PDE4D: variants seen among roughly 807,000 people sequenced by gnomAD.
PDE4D encodes the protein phosphodiesterase 4D, also known as 3',5'-cyclic-AMP phosphodiesterase 4D.
PDE4D carries 24 observed loss-of-function variants against 87.4 expected under a neutral mutation model. The observed-to-expected ratio is 0.27, with a 90% CI of 0.20 to 0.39. The LOEUF (loss-of-function observed/expected upper bound fraction) is 0.39, where lower values mean the gene tolerates loss of function less well. Ranked by LOEUF, PDE4D falls within the 10% of genes least tolerant of loss-of-function variation. The pLI is 1.00. For missense variants in PDE4D, 714 were observed against 1,041.0 expected (o/e 0.69, Z 4.32); for synonymous variants, 384 against 383.2 (o/e 1.00, Z -0.02).
intron 1 of PDE4D, among the ~76,000 whole-genome samples, chr5:60,464,618 C>T (rs1747203980): frequency 6.6e-6 from 1 of 152,126 alleles, no homozygotes; most frequent in Admixed American, 6.5e-5. Context: ...TGTGTTATTC[C>T]CACAGATCTC....
Position 60,416,760 on chromosome 5 carries a change from A to G in PDE4D, c.-90+71182T>C, listed in dbSNP as rs1221725660. ...CATACACTCTTCCTTCAGAGAAATT[A>G]ATATCCAAGACTCTGGGGCTTTAGA... is the stretch of plus-strand genomic sequence containing the variant. On this transcript the variant is annotated intron_variant, in intron 1 of 16. Transcript: ENST00000502484. Among the ~76,000 whole-genome samples, 3 of 152,374 alleles carry G rather than the reference A, an allele frequency of 2.0e-5. No individual in the cohort carries two copies. In the East Asian group the frequency reaches 5.8e-4, roughly 29 times the overall value.
intron 1 of PDE4D, chr5:59,768,188 G>C (rs773923291): frequency 2.0e-5 from 32 of 1,577,772 alleles, no homozygotes; most frequent in Non-Finnish European, 2.7e-5. Flanking sequence ...AAAGGCGCGA[G>C]AGCAGGACTC....
At chr5:60,236,265 T>G (rs1746419870) in intron 1 of PDE4D, among the ~76,000 whole-genome samples, 1 of 151,890 alleles carries the variant, frequency 6.6e-6, no homozygotes, top group African/African-American at 2.4e-5. Flanking sequence ...AATTAAAAAC[T>G]TTTGTTTTGT....
intron 5 of PDE4D, among the ~76,000 whole-genome samples, chr5:59,107,177 T>C (rs1385471581): frequency 6.6e-6 from 1 of 152,134 alleles, no homozygotes; most frequent in African/African-American, 2.4e-5. Flanking sequence ...ATAGACATAA[T>C]GCTATGAGAG....
intron 1 of PDE4D, among the ~76,000 whole-genome samples, chr5:59,767,383 AT>A (rs1762934658): frequency 6.6e-6 from 1 of 151,896 alleles, no homozygotes; most frequent in Non-Finnish European, 1.5e-5. Context: ...GGACTCACTG[AT>A]CAGAGTTTGG....
At chr5:59,275,704 C>T (rs1291211798) in intron 1 of PDE4D, 9 of 1,085,744 alleles carry the variant, frequency 8.3e-6, no homozygotes, top group African/African-American at 1.6e-5. Flanking sequence ...GATTCTTCAT[C>T]TGGGTCACAA....
chr5:59,679,348 T>G (rs1430201786), intron 1 of PDE4D, among the ~76,000 whole-genome samples: 2 of 152,194 alleles, frequency 1.3e-5, no homozygotes, highest in Non-Finnish European at 2.9e-5. Context: ...AAAACTCTTC[T>G]AAATTTATTT....
At chr5:60,190,595 T>C (rs1326020568) in intron 1 of PDE4D, among the ~76,000 whole-genome samples, 1 of 152,202 alleles carries the variant, frequency 6.6e-6, no homozygotes, top group Admixed American at 6.5e-5. Flanking sequence ...AATTGAAGTA[T>C]AGGGAACATA....
chr5:59,419,883 A>G (rs1365449108), intron 1 of PDE4D, among the ~76,000 whole-genome samples: 1 of 152,178 alleles, frequency 6.6e-6, no homozygotes, highest in Non-Finnish European at 1.5e-5. Context: ...AACCCCTTGA[A>G]TCACCCAATG....
chr5:59,958,876 C>A (rs1759153474), intron 3 of PDE4D, among the ~76,000 whole-genome samples: 1 of 152,014 alleles, frequency 6.6e-6, no homozygotes, highest in Non-Finnish European at 1.5e-5. Context: ...TGAAGGCACC[C>A]AAATAGGAAA....
chr5:59,947,780 A>T (rs546840792), intron 3 of PDE4D, among the ~76,000 whole-genome samples: 1 of 152,318 alleles, frequency 6.6e-6, no homozygotes, highest in South Asian at 2.1e-4. Flanking sequence ...AGGCCGAGGC[A>T]GGTGGATCAC....
intron 1 of PDE4D, among the ~76,000 whole-genome samples, chr5:60,473,092 T>C (rs1389262490): frequency 1.6e-5 from 1 of 62,846 alleles, no homozygotes; most frequent in Admixed American, 2.1e-4. Context: ...GAGAGAGAGA[T>C]GAAAGAAAGA....
chr5:59,654,448 A>G (rs1448221620), intron 1 of PDE4D, among the ~76,000 whole-genome samples: 1 of 152,196 alleles, frequency 6.6e-6, no homozygotes, highest in South Asian at 2.1e-4. Context: ...TTGTTAGCAC[A>G]ATTGCCTCCC....
intron 1 of PDE4D, among the ~76,000 whole-genome samples, chr5:59,433,109 A>T (rs1452599243): frequency 1.3e-5 from 2 of 151,328 alleles, no homozygotes; most frequent in Non-Finnish European, 2.9e-5. Flanking sequence ...CTGAAGAACA[A>T]AAGCTCAATG....
chr5:59,916,279 G>T (rs950813913), intron 3 of PDE4D, among the ~76,000 whole-genome samples: 2 of 152,090 alleles, frequency 1.3e-5, no homozygotes, highest in Non-Finnish European at 2.9e-5. Flanking sequence ...ATACTAATTA[G>T]CATTTTCTAT....
chr5:60,347,951 A>G (rs544564088), intron 1 of PDE4D, among the ~76,000 whole-genome samples: 31 of 152,272 alleles, frequency 2.0e-4, no homozygotes, highest in African/African-American at 7.0e-4. Context: ...CCGTTTTTGG[A>G]GTAATCACAA....
At position 59,228,996 on chromosome 5, in the gene PDE4D, CT is replaced by C. The variant is rs879691247; in HGVS notation, c.456-13029del. On this transcript the variant is annotated intron_variant, in intron 1 of 14. Transcript: ENST00000340635. ...AAACTGGCACCCCTAACCTCCTAAC[CT>C]TTTTTTTTTTTGAACAAACAAACAA... 3.0e-3 allele frequency among the ~76,000 whole-genome samples: 431 copies of C among 145,344 alleles called. 1 individual carries two copies. Among genetic ancestry groups the C allele is most frequent in the Non-Finnish European group, 4.0e-3 (260 of 65,576 alleles).
At chr5:59,246,652 C>T (rs997621992) in intron 1 of PDE4D, among the ~76,000 whole-genome samples, 5 of 152,096 alleles carry the variant, frequency 3.3e-5, no homozygotes, top group Non-Finnish European at 7.4e-5. Context: ...TATGGTTGCT[C>T]TTATTGAGGA....
intron 1 of PDE4D, among the ~76,000 whole-genome samples, chr5:60,285,421 G>C (rs550822659): frequency 1.1e-4 from 17 of 151,810 alleles, no homozygotes; most frequent in Middle Eastern, 3.4e-3. Flanking sequence ...TATTGAGCTT[G>C]TAACTTTGTG....
Sources: allele counts gnomAD v4.1 joint callset (sites outside exome capture counted in the v4.1 genomes callset), GRCh38; gene constraint gnomAD v4.1.1; transcripts MANE v1.5; gene names NCBI Gene and HGNC (gene_info 2026-07-23, HGNC 2026-07-21).